The following SUGCT variants were observed in gnomAD, a reference collection of about 807,000 sequenced individuals.
SUGCT encodes the protein succinyl-CoA:glutarate CoA-transferase.
In SUGCT, 41 loss-of-function variants were observed where a neutral mutation model predicts 55.0. The observed-to-expected ratio is 0.74, with a 90% CI of 0.58 to 0.97. The LOEUF (loss-of-function observed/expected upper bound fraction) is 0.97. Among genes scored for constraint, SUGCT ranks in the 50% least tolerant of loss-of-function variants. SUGCT has a pLI of 0.00. For synonymous variants in SUGCT, 187 were observed against 200.4 expected, an observed-to-expected ratio of 0.93 and a Z score of 0.56; for missense variants, 568 against 547.8, an observed-to-expected ratio of 1.04 and a Z score of -0.37.
At position 40,363,641 on chromosome 7, in the gene SUGCT, C is replaced by T. The variant is rs1583513728; in HGVS notation, c.816+46786C>T. Among the ~76,000 whole-genome samples, 3 of 152,234 alleles carry T rather than the reference C, an allele frequency of 2.0e-5. No homozygotes were observed. In the South Asian group the frequency reaches 6.2e-4, roughly 32 times the overall value. On this transcript the variant is annotated intron_variant, in intron 9 of 13. Transcript: ENST00000335693. ...AGCGATTTTGAGTGAGTTTCTTAAT[C>T]CTGAGTTCTAGTTTGATTGCACTGT... is the stretch of plus-strand genomic sequence containing the variant.
At chr7:40,172,831 C>T (rs555224133) in intron 1 of SUGCT, among the ~76,000 whole-genome samples, 11 of 152,184 alleles carry the variant, frequency 7.2e-5, no homozygotes, top group Non-Finnish European at 1.6e-4. Flanking sequence ...AGCCTTTTCC[C>T]AGGAAGCCTC....
intron 1 of SUGCT, among the ~76,000 whole-genome samples, chr7:40,159,169 C>T (rs1784031775): frequency 6.6e-6 from 1 of 152,206 alleles, no homozygotes; most frequent in African/African-American, 2.4e-5. Flanking sequence ...ATCCGCCTGC[C>T]TTGGCATCCC....
chr7:40,467,204 G>GAAAAAAAAAAAAAAAAAA (rs762283927), intron 11 of SUGCT, among the ~76,000 whole-genome samples: 9 of 83,610 alleles, frequency 1.1e-4, no homozygotes, highest in Admixed American at 1.5e-4. Flanking sequence ...CTAAGAAAAA[G>GAAAAAAAAAAAAAAAAAA]AAAAAAAAAA....
chr7:40,845,250 G>C (rs565187061), intron 13 of SUGCT, among the ~76,000 whole-genome samples: 3 of 152,298 alleles, frequency 2.0e-5, no homozygotes, highest in Admixed American at 1.3e-4. Flanking sequence ...GGGAGTCAAA[G>C]AAGGGAGATG....
chr7:40,722,483 ACAGT>A (rs1786395025), intron 12 of SUGCT, among the ~76,000 whole-genome samples: 1 of 152,166 alleles, frequency 6.6e-6, no homozygotes, highest in African/African-American at 2.4e-5. Flanking sequence ...CAATGAGAAA[ACAGT>A]CAGTTTTAGA....
chr7:40,809,412 AC>A (rs1282073040), intron 13 of SUGCT, among the ~76,000 whole-genome samples: 2 of 152,182 alleles, frequency 1.3e-5, no homozygotes, highest in East Asian at 3.8e-4. Context: ...TTCTATATAT[AC>A]AAGTGTGTGT....
At chr7:40,949,454 G>A in the SUGCT span, among the ~76,000 whole-genome samples, 3 of 152,114 alleles carry the variant, frequency 2.0e-5, no homozygotes, top group Non-Finnish European at 4.4e-5. Context: ...AAGCTCTTTA[G>A]TTTAACTAGA....
intron 6 of SUGCT, among the ~76,000 whole-genome samples, chr7:40,197,367 C>T (rs1289204451): frequency 6.6e-6 from 1 of 152,184 alleles, no homozygotes; most frequent in Non-Finnish European, 1.5e-5. Flanking sequence ...GGTAAATTAT[C>T]TTCTGAATTA....
the SUGCT span, among the ~76,000 whole-genome samples, chr7:40,900,439 AAC>A: frequency 6.6e-6 from 1 of 152,202 alleles, no homozygotes; most frequent in Non-Finnish European, 1.5e-5. Flanking sequence ...GTGCCCATAA[AAC>A]ACATAGTCAT....
At chr7:40,187,438 T>TA (rs879441778) in intron 3 of SUGCT, among the ~76,000 whole-genome samples, 330 of 145,776 alleles carry the variant, frequency 2.3e-3, no homozygotes, top group Middle Eastern at 3.5e-3. Context: ...AGTATAATAA[T>TA]AAAAAAAAAA....
chr7:40,450,815 A>G (rs1789150993), intron 10 of SUGCT, among the ~76,000 whole-genome samples: 1 of 152,028 alleles, frequency 6.6e-6, no homozygotes, highest in Non-Finnish European at 1.5e-5. Context: ...AATCTCATTT[A>G]CTGTAGTTAA....
chr7:40,985,800 G>A, the SUGCT span, among the ~76,000 whole-genome samples: 1 of 152,150 alleles, frequency 6.6e-6, no homozygotes, highest in South Asian at 2.1e-4. Context: ...ATCACTCTGT[G>A]GACAGAAGGA....
At chr7:40,827,657 C>T (rs542925745) in intron 13 of SUGCT, among the ~76,000 whole-genome samples, 13 of 152,264 alleles carry the variant, frequency 8.5e-5, no homozygotes, top group East Asian at 1.9e-4. Flanking sequence ...CCTGGAGCTT[C>T]GGGCCTGATC....
intron 12 of SUGCT, among the ~76,000 whole-genome samples, chr7:40,540,190 C>A (rs920838979): frequency 2.0e-5 from 3 of 152,188 alleles, no homozygotes; most frequent in African/African-American, 7.2e-5. Flanking sequence ...ATATTAGCAG[C>A]ATCCTTTTAT....
At chr7:40,889,192 C>G in the SUGCT span, among the ~76,000 whole-genome samples, 2 of 152,062 alleles carry the variant, frequency 1.3e-5, no homozygotes, top group Non-Finnish European at 2.9e-5. Flanking sequence ...AAGCGTGGAC[C>G]CTGGTGGGTA....
At chr7:41,007,528 T>G in the SUGCT span, among the ~76,000 whole-genome samples, 1 of 152,192 alleles carries the variant, frequency 6.6e-6, no homozygotes, top group Admixed American at 6.5e-5. Flanking sequence ...GGGAACCGGA[T>G]GCAATGCTTT....
intron 9 of SUGCT, among the ~76,000 whole-genome samples, chr7:40,382,158 A>G (rs1213737314): frequency 2.6e-5 from 4 of 152,056 alleles, no homozygotes; most frequent in Non-Finnish European, 5.9e-5. Flanking sequence ...TCATTTTCAT[A>G]TGTCCCTGTG....
intron 12 of SUGCT, among the ~76,000 whole-genome samples, chr7:40,668,046 TCA>T (rs1261162153): frequency 6.6e-6 from 1 of 152,200 alleles, no homozygotes; most frequent in Non-Finnish European, 1.5e-5. Flanking sequence ...AATTATTTAA[TCA>T]CAGTTTCAGT....
the SUGCT span, among the ~76,000 whole-genome samples, chr7:40,987,353 C>G: frequency 8.5e-5 from 13 of 152,070 alleles, no homozygotes; most frequent in Non-Finnish European, 1.9e-4. Context: ...CAGGAGACAC[C>G]AGTAGTTTAA....
Sources: allele counts gnomAD v4.1 joint callset (sites outside exome capture counted in the v4.1 genomes callset), GRCh38; gene constraint gnomAD v4.1.1; transcripts MANE v1.5; gene names NCBI Gene and HGNC (gene_info 2026-07-23, HGNC 2026-07-21).